MEF2A: variants seen among roughly 807,000 people sequenced by gnomAD.
MEF2A encodes myocyte-specific enhancer factor 2A.
A neutral mutation model predicts 55.8 loss-of-function variants in MEF2A; 28 were observed. That is an observed-to-expected ratio of 0.50 (90% CI 0.37 to 0.69). MEF2A has a LOEUF of 0.69. Among genes scored for constraint, MEF2A ranks in the 30% least tolerant of loss-of-function variants. The pLI, the probability that MEF2A is intolerant of heterozygous loss-of-function variation, is 0.00. For missense variants in MEF2A, 528 were observed against 626.2 expected, an observed-to-expected ratio of 0.84 and a Z score of 1.67; for synonymous variants, 239 against 227.1, an observed-to-expected ratio of 1.05 and a Z score of -0.47.
At chr15:99,704,689 T>C (rs2057817181) in intron 9 of MEF2A, among the ~76,000 whole-genome samples, 1 of 152,236 alleles carries the variant, frequency 6.6e-6, no homozygotes. Context: ...ATGAAGATGA[T>C]GCCATGGAGT....
intron 1 of MEF2A, among the ~76,000 whole-genome samples, chr15:99,568,035 T>C (rs1960498420): frequency 1.3e-5 from 2 of 152,204 alleles, no homozygotes; most frequent in Non-Finnish European, 2.9e-5. Context: ...GACTGTGAAG[T>C]AATGGTGACC....
At chr15:99,603,719 G>A (rs1268444428) in intron 2 of MEF2A, among the ~76,000 whole-genome samples, 1 of 152,192 alleles carries the variant, frequency 6.6e-6, no homozygotes, top group South Asian at 2.1e-4. Flanking sequence ...TAAATGTTTT[G>A]TGTGTACTTA....
intron 2 of MEF2A, among the ~76,000 whole-genome samples, chr15:99,602,755 CGTGTGTGTGTGTGTGTGTGT>C (rs58540017): frequency 1.1e-3 from 19 of 16,714 alleles, no homozygotes; most frequent in Non-Finnish European, 1.9e-3. Context: ...GGGAGCTTTT[CGTGTGTGTGTGTGTGTGTGT>C]GTGTGTGTGT....
chr15:99,632,810 T>A (rs1273038178), intron 2 of MEF2A, among the ~76,000 whole-genome samples, 168 bp from the exon 3 acceptor site: 2 of 152,178 alleles, frequency 1.3e-5, no homozygotes, highest in East Asian at 3.8e-4. Flanking sequence ...AAGAGGTATT[T>A]TAGGGGTAAA....
intron 5 of MEF2A, among the ~76,000 whole-genome samples, chr15:99,673,183 A>AT (rs2051216503): frequency 6.6e-6 from 1 of 152,064 alleles, no homozygotes; most frequent in South Asian, 2.1e-4. Context: ...TGGATTTTGG[A>AT]TTTTCAGATT....
At chr15:99,710,399 C>A (rs561986070) in intron 10 of MEF2A, among the ~76,000 whole-genome samples, 2 of 152,226 alleles carry the variant, frequency 1.3e-5, no homozygotes, top group East Asian at 3.9e-4. Flanking sequence ...TGCGCCACCA[C>A]GCCTGGATAA....
At chr15:99,702,223 C>T (rs886697769) in intron 8 of MEF2A, among the ~76,000 whole-genome samples, 1 of 152,048 alleles carries the variant, frequency 6.6e-6, no homozygotes, top group Non-Finnish European at 1.5e-5. Context: ...AGTAAGTAAT[C>T]GGTCCCACCT....
chr15:99,655,125 T>A (rs2047488451), intron 4 of MEF2A, among the ~76,000 whole-genome samples: 1 of 152,142 alleles, frequency 6.6e-6, no homozygotes, highest in Admixed American at 6.6e-5. Context: ...TGGGATTTAC[T>A]ACAAAACTAA....
intron 8 of MEF2A, among the ~76,000 whole-genome samples, chr15:99,700,185 TATACACACACAC>T (rs1451433049): frequency 1.0e-4 from 10 of 100,446 alleles, no homozygotes; most frequent in African/African-American, 3.4e-4. Context: ...TGTGTGTATA[TATACACACACAC>T]ACACACACAC....
intron 3 of MEF2A, among the ~76,000 whole-genome samples, chr15:99,635,659 C>G (rs1433278189): frequency 1.3e-5 from 2 of 152,076 alleles, no homozygotes; most frequent in Non-Finnish European, 2.9e-5. Flanking sequence ...ATTAATTACA[C>G]CTGTTGTTGA....
chr15:99,606,379 A>T (rs1226776915), intron 2 of MEF2A, among the ~76,000 whole-genome samples: 1 of 152,202 alleles, frequency 6.6e-6, no homozygotes, highest in Non-Finnish European at 1.5e-5. Context: ...GTATTAAAAA[A>T]TTGATAATTT....
chr15:99,647,428 C>G lies in MEF2A; in HGVS notation c.258+1664C>G, dbSNP rs200230332. On this transcript the variant is annotated intron_variant, in intron 4 of 11. Transcript: ENST00000557942. ...AATTTCATTATAGAGGCAACCACCT[C>G]CTTAACCCTAACTACACTGCTCTTT... Among the ~76,000 whole-genome samples, 18 of 152,268 alleles carry G rather than the reference C, an allele frequency of 1.2e-4. No homozygotes were observed. In the East Asian group the frequency reaches 3.5e-3, roughly 29 times the overall value.
In MEF2A at chr15:99,714,799, T is replaced by TCCCCCCCCCC. The variant is rs58267790; in HGVS notation, c.*2030_*2039dup. The TCCCCCCCCCC allele has an allele frequency of 6.0e-5, 2 of 33,136 alleles. No individual in the cohort carries two copies. 2.1% of individuals were successfully genotyped at this position (33,136 alleles called of 1,614,324 possible). A position where few individuals can be genotyped will look rare whatever the true frequency, so the allele number is the denominator to read the frequency against. On this transcript the variant is annotated 3_prime_UTR_variant, in exon 12 of 12. Coordinates refer to ENST00000557942, the MANE Select transcript of MEF2A (RefSeq NM_001319206.4). ...CCTACAATTTCTATGTACATTTTGT[T>TCCCCCCCCCC]CCCCCCCCCCCACCCCCCCCCCAAA...
chr15:99,623,962 C>T (rs1198601747), intron 2 of MEF2A, among the ~76,000 whole-genome samples: 1 of 152,040 alleles, frequency 6.6e-6, no homozygotes, highest in Non-Finnish European at 1.5e-5. Context: ...CATGCACCAC[C>T]AACCCGGCTA....
intron 1 of MEF2A, among the ~76,000 whole-genome samples, chr15:99,596,207 GTAACT>G (rs1971120196): frequency 6.6e-6 from 1 of 152,150 alleles, no homozygotes; most frequent in Non-Finnish European, 1.5e-5. Flanking sequence ...ACTGTGATGT[GTAACT>G]ATCAAATTTG....
chr15:99,681,532 A>G (rs1382237792), intron 7 of MEF2A, among the ~76,000 whole-genome samples: 1 of 152,226 alleles, frequency 6.6e-6, no homozygotes, highest in Non-Finnish European at 1.5e-5. Flanking sequence ...TTCAGCATTC[A>G]TGCTTCATGA....
chr15:99,572,217 C>T (rs552210335), intron 1 of MEF2A, among the ~76,000 whole-genome samples: 2 of 152,236 alleles, frequency 1.3e-5, no homozygotes, highest in South Asian at 4.1e-4. Flanking sequence ...ATGTCAGCCA[C>T]GAAGGCCTCT....
At chr15:99,609,714 ATTATC>A (rs2153183856) in intron 2 of MEF2A, among the ~76,000 whole-genome samples, 1 of 152,286 alleles carries the variant, frequency 6.6e-6, no homozygotes, top group Non-Finnish European at 1.5e-5. Flanking sequence ...ACAAAGAAAA[ATTATC>A]TTATATTAAA....
intron 2 of MEF2A, among the ~76,000 whole-genome samples, chr15:99,630,194 A>G (rs968363615): frequency 1.2e-4 from 18 of 151,716 alleles, no homozygotes; most frequent in Non-Finnish European, 2.2e-4. Context: ...TTTCTTGCCT[A>G]TATGTTTTCT....
Sources: allele counts gnomAD v4.1 joint callset (sites outside exome capture counted in the v4.1 genomes callset), GRCh38; gene constraint gnomAD v4.1.1; transcripts MANE v1.5; gene names NCBI Gene and HGNC (gene_info 2026-07-23, HGNC 2026-07-21).